Variants in BBS9 observed in about 807,000 individuals in gnomAD.
BBS9 encodes the protein protein PTHB1.
A neutral mutation model predicts 117.7 loss-of-function variants in BBS9; 89 were observed. That is an observed-to-expected ratio of 0.76 (90% confidence interval 0.64 to 0.90). BBS9 has a LOEUF of 0.90. Ranked by LOEUF, BBS9 falls within the 40% of genes least tolerant of loss-of-function variation. BBS9 has a pLI of 0.00. For synonymous variants in BBS9, 379 were observed against 370.9 expected (o/e 1.02, Z -0.25); for missense variants, 982 against 1,042.2 (o/e 0.94, Z 0.80).
chr7:33,472,405 C>T (rs1242237395), intron 19 of BBS9, among the ~76,000 whole-genome samples: 2 of 152,142 alleles, frequency 1.3e-5, no homozygotes, highest in East Asian at 3.9e-4. Context: ...AAATATGTAG[C>T]ACTGATTTCT....
At chr7:33,185,322 A>T (rs75487570) in intron 5 of BBS9, among the ~76,000 whole-genome samples, 2,089 of 152,128 alleles carry the variant, frequency 0.014, 58 homozygotes, top group African/African-American at 0.048. Context: ...TTCACGGTGG[A>T]GTCGCTTTGG....
intron 19 of BBS9, among the ~76,000 whole-genome samples, chr7:33,403,721 G>A (rs1829379274): frequency 6.6e-6 from 1 of 151,898 alleles, no homozygotes; most frequent in Admixed American, 6.6e-5. Context: ...ATCATTGTTG[G>A]ACATTTGGGT....
intron 19 of BBS9, among the ~76,000 whole-genome samples, chr7:33,440,355 A>G (rs1432089007): frequency 6.6e-6 from 1 of 152,226 alleles, no homozygotes; most frequent in Non-Finnish European, 1.5e-5. Flanking sequence ...ATATGTTCTT[A>G]GTTCAGCACA....
chr7:33,193,054 T>A (rs927946367), intron 5 of BBS9, among the ~76,000 whole-genome samples: 3 of 152,172 alleles, frequency 2.0e-5, no homozygotes, highest in Admixed American at 6.5e-5. Flanking sequence ...TTACATCCTA[T>A]CCATATTATG....
At chr7:33,531,664 T>C (rs1850597618) in intron 20 of BBS9, among the ~76,000 whole-genome samples, 1 of 152,292 alleles carries the variant, frequency 6.6e-6, no homozygotes, top group East Asian at 1.9e-4. Flanking sequence ...ACAGATAAAA[T>C]GGGCTGTCAT....
intron 21 of BBS9, among the ~76,000 whole-genome samples, chr7:33,575,086 C>T (rs1282671148): frequency 6.6e-6 from 1 of 151,974 alleles, no homozygotes; most frequent in Non-Finnish European, 1.5e-5. Context: ...CTCTAAACTT[C>T]AGGACTTGAG....
intron 21 of BBS9, among the ~76,000 whole-genome samples, chr7:33,581,476 C>T (rs1313245978): frequency 1.3e-5 from 2 of 152,094 alleles, no homozygotes; most frequent in Non-Finnish European, 2.9e-5. Flanking sequence ...GACAAATAGA[C>T]ATCAAATAAA....
Position 33,142,615 on chromosome 7 carries a change from C to A in BBS9, c.-11-3627C>A, listed in dbSNP as rs910870706. 2.6e-5 allele frequency among the ~76,000 whole-genome samples: 4 copies of A among 152,212 alleles called. 1 individual carries two copies. The highest frequency in any genetic ancestry group is 9.6e-5 in the African/African-American group (4 of 41,452). On this transcript the variant is annotated intron_variant, in intron 1 of 22. Coordinates refer to ENST00000242067, the MANE Select transcript of BBS9 (RefSeq NM_198428.3). The stretch of plus-strand genomic sequence containing the variant: ...GTTCTCCTTTCTCCCTAGCCCCTGA[C>A]AATCACCATTCTTAATGTTTCTGTG...
At position 33,586,618 on chromosome 7, in the gene BBS9, C is replaced by T. The variant is rs372539499; in HGVS notation, c.2522-18247C>T. On this transcript the variant is annotated intron_variant, in intron 21 of 22. Transcript: ENST00000242067. ...TGTATGTTCATCGCAGTGCTATTCA[C>T]GGTAGCAAAGACGTGGAATCAACCC... Among the ~76,000 whole-genome samples, 15 of 152,122 alleles carry T rather than the reference C, an allele frequency of 9.9e-5. No homozygotes were observed. The East Asian group carries it at 1.4e-3, about 14-fold the overall frequency.
At chr7:33,571,352 A>C (rs1464173743) in intron 21 of BBS9, among the ~76,000 whole-genome samples, 2 of 151,646 alleles carry the variant, frequency 1.3e-5, no homozygotes, top group Non-Finnish European at 2.9e-5. Context: ...AATAGAATAG[A>C]GAAAAAACAG....
intron 21 of BBS9, among the ~76,000 whole-genome samples, chr7:33,540,623 C>G (rs895580959): frequency 1.3e-5 from 2 of 152,136 alleles, no homozygotes; most frequent in Non-Finnish European, 1.5e-5. Flanking sequence ...AGGAAAACAA[C>G]TATATAATTG....
At chr7:33,537,509 CT>C (rs1851640124) in intron 21 of BBS9, among the ~76,000 whole-genome samples, 1 of 152,190 alleles carries the variant, frequency 6.6e-6, no homozygotes, top group Non-Finnish European at 1.5e-5. Context: ...GTGTTCACAT[CT>C]TTCTGCTGGT....
intron 16 of BBS9, among the ~76,000 whole-genome samples, chr7:33,360,648 G>A (rs941193807): frequency 6.6e-6 from 1 of 151,416 alleles, no homozygotes; most frequent in African/African-American, 2.4e-5. Context: ...AGCCTCTAGA[G>A]TAGCTGAGAC....
chr7:33,314,353 G>A (rs1372327045), intron 9 of BBS9: 1 of 378,580 alleles, frequency 2.6e-6, no homozygotes, highest in Admixed American at 3.6e-5. Context: ...CTGAATACTT[G>A]CCTTCTTGGC....
chr7:33,160,493 C>G (rs986441012), intron 4 of BBS9, among the ~76,000 whole-genome samples: 1 of 152,066 alleles, frequency 6.6e-6, no homozygotes, highest in African/African-American at 2.4e-5. Flanking sequence ...CACAATAGAC[C>G]CTCTTTTCAC....
chr7:33,625,239 C>G (rs1323274103), intron 21 of BBS9, among the ~76,000 whole-genome samples: 1 of 151,976 alleles, frequency 6.6e-6, no homozygotes, highest in African/African-American at 2.4e-5. Context: ...AAAATTTTAT[C>G]TGGAGATGAA....
intron 9 of BBS9, among the ~76,000 whole-genome samples, chr7:33,288,368 A>C (rs10951383): frequency 0.83 from 125,933 of 152,060 alleles, 52,206 homozygotes; most frequent in Admixed American, 0.86. Context: ...TGGTACCTCA[A>C]AATGAGAGAC....
intron 1 of BBS9, among the ~76,000 whole-genome samples, chr7:33,142,544 C>G (rs1156329261): frequency 6.6e-6 from 1 of 152,182 alleles, no homozygotes. Flanking sequence ...CAACCAATCT[C>G]CAGAACTTCT....
chr7:33,558,018 T>C (rs13244939), intron 21 of BBS9, among the ~76,000 whole-genome samples: 1 of 152,182 alleles, frequency 6.6e-6, no homozygotes, highest in Non-Finnish European at 1.5e-5. Flanking sequence ...AGAAGTGAGG[T>C]AAACTGGGAA....
Sources: allele counts gnomAD v4.1 joint callset (sites outside exome capture counted in the v4.1 genomes callset), GRCh38; gene constraint gnomAD v4.1.1; transcripts MANE v1.5; gene names NCBI Gene and HGNC (gene_info 2026-07-23, HGNC 2026-07-21).